Variants in RCL1 observed in about 807,000 individuals in gnomAD.
The protein encoded by RCL1 is RNA 3'-terminal phosphate cyclase-like protein.
RCL1 carries 24 observed loss-of-function variants against 42.4 expected under a neutral mutation model. That is an observed-to-expected ratio of 0.57 (90% CI 0.41 to 0.80). The LOEUF is 0.80. Among genes scored for constraint, RCL1 ranks in the 30% least tolerant of loss-of-function variants. The pLI, the probability that RCL1 is intolerant of heterozygous loss-of-function variation, is 0.00. For synonymous variants in RCL1, 228 were observed against 177.3 expected (o/e 1.29, Z -2.27); for missense variants, 578 against 467.9 (o/e 1.24, Z -2.17).
chr9:4,831,268 G>T (rs1002134579), intron 3 of RCL1, among the ~76,000 whole-genome samples: 4 of 150,788 alleles, frequency 2.7e-5, no homozygotes, highest in Non-Finnish European at 5.9e-5. Context: ...TGTGACTCAA[G>T]GTATAGGAAG....
At chr9:4,854,897 T>C (rs1429940108) in intron 8 of RCL1, among the ~76,000 whole-genome samples, 1 of 151,762 alleles carries the variant, frequency 6.6e-6, no homozygotes, top group Non-Finnish European at 1.5e-5. Context: ...CTACTAAAAA[T>C]ACAAAATTAG....
chr9:4,796,311 T>C (rs1461856522), intron 1 of RCL1, among the ~76,000 whole-genome samples: 1 of 152,214 alleles, frequency 6.6e-6, no homozygotes, highest in Non-Finnish European at 1.5e-5. Flanking sequence ...CAGCTCCCAC[T>C]TATAAGTAAG....
intron 1 of RCL1, among the ~76,000 whole-genome samples, chr9:4,814,292 A>G (rs1231880700): frequency 1.3e-5 from 2 of 150,192 alleles, no homozygotes; most frequent in Admixed American, 1.4e-4. Context: ...ATTTAAAAAA[A>G]TTTTTTTTAG....
chr9:4,853,247 C>A (rs762156635), intron 8 of RCL1, among the ~76,000 whole-genome samples: 4 of 151,844 alleles, frequency 2.6e-5, no homozygotes, highest in Admixed American at 2.0e-4. Flanking sequence ...GTTACGTGCC[C>A]AGGGTCACAC....
chr9:4,823,695 C>A, intron 2 of RCL1, 76 bp downstream of exon 2: 1 of 978,370 alleles, frequency 1.0e-6, no homozygotes, highest in Non-Finnish European at 1.5e-6. Context: ...TTTTTCTTTC[C>A]TTTTTTTTTC....
chr9:4,810,753 C>G (rs879646129), intron 1 of RCL1, among the ~76,000 whole-genome samples: 10 of 152,134 alleles, frequency 6.6e-5, no homozygotes, highest in Admixed American at 6.5e-4. Context: ...TATCTGAGGT[C>G]TAGTTACTCC....
chr9:4,860,056 G>A (rs896131150), intron 8 of RCL1, 69 bp from the exon 9 acceptor site: 1 of 1,114,144 alleles, frequency 9.0e-7, no homozygotes, highest in Non-Finnish European at 1.2e-6. Flanking sequence ...TTGGATTCTA[G>A]GTGGTAGAGG....
intron 1 of RCL1, among the ~76,000 whole-genome samples, chr9:4,797,350 C>T (rs535481659): frequency 7.2e-4 from 110 of 152,186 alleles, no homozygotes; most frequent in Non-Finnish European, 1.3e-3. Flanking sequence ...TCCGTTCCTG[C>T]TTCTATATGG....
At chr9:4,796,828 A>G (rs1274557015) in intron 1 of RCL1, among the ~76,000 whole-genome samples, 1 of 152,228 alleles carries the variant, frequency 6.6e-6, no homozygotes, top group Non-Finnish European at 1.5e-5. Flanking sequence ...TAGTGCTGCA[A>G]TAAACATACA....
At position 4,800,169 on chromosome 9, in the gene RCL1, A is replaced by G. The variant is rs140158630; in HGVS notation, c.136+6942A>G. Among the ~76,000 whole-genome samples the G allele has an allele frequency of 3.6e-4, 55 of 151,806 alleles. No individual in the cohort carries two copies. In the East Asian group the frequency reaches 9.3e-3, roughly 26 times the overall value. On this transcript the variant is annotated intron_variant, in intron 1 of 8. Transcript: ENST00000381750. ...TGTAGGTTGTTTCCAGTTTTTGGCT[A>G]TCTCGAATAAGGCTGCTATAAAAAT...
chr9:4,808,430 C>A (rs927697450), intron 1 of RCL1, among the ~76,000 whole-genome samples: 5 of 152,084 alleles, frequency 3.3e-5, no homozygotes, highest in Non-Finnish European at 1.5e-5. Flanking sequence ...ATTTCAGCCT[C>A]CCAAGTAGCT....
In RCL1 at chr9:4,849,464, G is replaced by A. The variant is rs113347415; in HGVS notation, c.885G>A (p.Ser295=). ...GTTTACAGGGTGGATGCGTAGACTC[G>A]ACCAACCAAAGCCTGGCGCTACTAC... ...EEIYRGGCVD[S]TNQSLALLLM... Residue 295 remains serine, a synonymous_variant, in exon 8 of 9, where the codon TCG becomes TCA. Coordinates refer to ENST00000381750, the MANE Select transcript of RCL1 (RefSeq NM_005772.5). 48 of 1,613,706 alleles carry A rather than the reference G, an allele frequency of 3.0e-5. No homozygotes were observed. Among genetic ancestry groups the A allele is most frequent in the Middle Eastern group, 1.6e-4 (1 of 6,062 alleles).
intron 4 of RCL1, among the ~76,000 whole-genome samples, chr9:4,833,790 C>T (rs541538487): frequency 3.3e-5 from 5 of 152,082 alleles, no homozygotes; most frequent in East Asian, 1.9e-4. Context: ...TTGGTAGATC[C>T]GTTATTTGCA....
intron 1 of RCL1, among the ~76,000 whole-genome samples, chr9:4,796,725 G>T (rs1479745457): frequency 6.6e-6 from 1 of 152,178 alleles, no homozygotes; most frequent in Admixed American, 6.5e-5. Flanking sequence ...TTATGGCTGT[G>T]TAGTATTCCA....
intron 5 of RCL1, among the ~76,000 whole-genome samples, chr9:4,840,063 C>T (rs295263): frequency 0.88 from 132,028 of 150,606 alleles, 57,909 homozygotes; most frequent in East Asian, 1. Flanking sequence ...TATGGGAGGA[C>T]CAGGAGCCAC....
At chr9:4,816,901 C>G (rs1227530315) in intron 1 of RCL1, among the ~76,000 whole-genome samples, 4 of 152,206 alleles carry the variant, frequency 2.6e-5, no homozygotes, top group Non-Finnish European at 5.9e-5. Context: ...ACTGCAAGCT[C>G]TGCCTCCCAG....
chr9:4,795,697 C>T (rs554666415), intron 1 of RCL1, among the ~76,000 whole-genome samples: 118 of 152,340 alleles, frequency 7.7e-4, no homozygotes, highest in African/African-American at 2.6e-3. Flanking sequence ...AGAATCACAT[C>T]TCTTCAAGGT....
intron 8 of RCL1, among the ~76,000 whole-genome samples, chr9:4,858,261 A>T (rs1428213429): frequency 6.6e-6 from 1 of 152,142 alleles, no homozygotes; most frequent in Non-Finnish European, 1.5e-5. Flanking sequence ...GACCTTTATC[A>T]GATATATGAC....
In RCL1 at chr9:4,860,521, G is replaced by A. The variant is rs1818137544; in HGVS notation, c.*246G>A. On this transcript the variant is annotated 3_prime_UTR_variant, in exon 9 of 9. Coordinates refer to ENST00000381750, the MANE Select transcript of RCL1 (RefSeq NM_005772.5). ...CATGAGAGCTCCCTTGCCTTACCTG[G>A]AGGAAGAATGTGCCTTCAGGCCACA... is the stretch of plus-strand genomic sequence containing the variant. 1 of 455,540 alleles carries A rather than the reference G, an allele frequency of 2.2e-6. No homozygotes were observed. The highest frequency in any genetic ancestry group is 4.4e-5 in the Admixed American group (1 of 22,740). 28.2% of individuals were successfully genotyped at this position (455,540 alleles called of 1,614,324 possible).
Sources: gnomAD v4.1 joint callset for allele counts (sites outside exome capture counted in the v4.1 genomes callset) on GRCh38, gnomAD v4.1.1 for gene constraint, MANE v1.5 for transcripts, NCBI Gene and HGNC (gene_info 2026-07-23, HGNC 2026-07-21) for gene names.